Variants in LRRC7 observed in about 807,000 individuals in gnomAD.
The protein encoded by LRRC7 is leucine rich repeat containing 7, also known as leucine-rich repeat-containing protein 7.
Under a neutral mutation model 175.7 loss-of-function variants are expected in LRRC7, and 23 were observed. The ratio of observed to expected loss-of-function variants is 0.13; its 90% CI spans 0.09 to 0.19. The LOEUF is 0.19. Among genes scored for constraint, LRRC7 ranks in the 10% least tolerant of loss-of-function variants. The pLI is 1.00. For synonymous variants in LRRC7, 685 were observed against 680.9 expected (o/e 1.01, Z -0.09); for missense variants, 1,354 against 1,904.7 (o/e 0.71, Z 5.38).
chr1:69,591,542 G>C (rs181911115), intron 1 of LRRC7, among the ~76,000 whole-genome samples: 2 of 151,934 alleles, frequency 1.3e-5, no homozygotes, highest in Admixed American at 6.6e-5. Context: ...GATAGCTTCC[G>C]TGATGGATTT....
At chr1:69,589,281 G>A (rs1032045920) in intron 1 of LRRC7, among the ~76,000 whole-genome samples, 1 of 152,014 alleles carries the variant, frequency 6.6e-6, no homozygotes, top group Non-Finnish European at 1.5e-5. Context: ...TGACCTCACT[G>A]AAACTGTCCT....
intron 1 of LRRC7, among the ~76,000 whole-genome samples, chr1:69,570,726 TTTAC>T (rs1645708191): frequency 6.6e-6 from 1 of 152,178 alleles, no homozygotes; most frequent in African/African-American, 2.4e-5. Context: ...CAATGAAGTC[TTTAC>T]TTTTTAGAAA....
chr1:69,603,711 T>G (rs1034947969), intron 1 of LRRC7, among the ~76,000 whole-genome samples: 8 of 152,164 alleles, frequency 5.3e-5, no homozygotes, highest in Admixed American at 2.6e-4. Flanking sequence ...GGCTAGATAT[T>G]TTGTACACAG....
At chr1:70,097,093 C>T (rs1451478077) in intron 25 of LRRC7, among the ~76,000 whole-genome samples, 1 of 152,168 alleles carries the variant, frequency 6.6e-6, no homozygotes. Flanking sequence ...AATATCAGCA[C>T]TGTAAATTTT....
chr1:69,919,692 C>T (rs2101731145), intron 7 of LRRC7: 3 of 970,190 alleles, frequency 3.1e-6, no homozygotes, highest in East Asian at 4.8e-5. Flanking sequence ...GACTGCAGCT[C>T]GGCCAAGGCC....
At chr1:69,666,297 A>T (rs556664397) in intron 1 of LRRC7, among the ~76,000 whole-genome samples, 3 of 152,014 alleles carry the variant, frequency 2.0e-5, no homozygotes, top group African/African-American at 4.8e-5. Flanking sequence ...CTATTGATGT[A>T]TCTTTGGGTT....
chr1:69,896,360 A>T (rs1187552681), intron 7 of LRRC7, among the ~76,000 whole-genome samples: 1 of 152,124 alleles, frequency 6.6e-6, no homozygotes, highest in East Asian at 1.9e-4. Flanking sequence ...TATAAATTAT[A>T]CTCATCCTCC....
At chr1:69,840,296 G>A (rs952805186) in intron 7 of LRRC7, among the ~76,000 whole-genome samples, 3 of 151,888 alleles carry the variant, frequency 2.0e-5, no homozygotes, top group African/African-American at 7.2e-5. Context: ...TATACCTTTT[G>A]ATCACCAGTC....
intron 1 of LRRC7, among the ~76,000 whole-genome samples, chr1:69,663,241 G>A (rs991216952): frequency 1.3e-4 from 20 of 151,544 alleles, no homozygotes; most frequent in African/African-American, 4.8e-4. Flanking sequence ...CAACAGTCAT[G>A]CCAAGTAGAG....
chr1:70,119,389 C>T (rs915812329), intron 26 of LRRC7, among the ~76,000 whole-genome samples: 3 of 152,028 alleles, frequency 2.0e-5, no homozygotes, highest in African/African-American at 7.2e-5. Flanking sequence ...TTTTTAGTTA[C>T]GTGCATGACT....
rs534696792 is a variant in LRRC7, at chr1:69,577,979, C to G, written c.2+9338C>G. On this transcript the variant is annotated intron_variant, in intron 1 of 26. Coordinates refer to ENST00000651989, the MANE Select transcript of LRRC7 (RefSeq NM_001370785.2). ...TATAAATTACCTTGGGCATTATGGC[C>G]ATTTTCATGATATTGATTCTTCCTA... is the stretch of plus-strand genomic sequence containing the variant. Among the ~76,000 whole-genome samples the G allele has an allele frequency of 2.1e-4, 32 of 152,146 alleles. 1 individual carries two copies. In the South Asian group the frequency reaches 6.4e-3, roughly 31 times the overall value.
chr1:70,090,995 C>T (rs1438048922), intron 25 of LRRC7, among the ~76,000 whole-genome samples: 6 of 152,090 alleles, frequency 3.9e-5, no homozygotes, highest in African/African-American at 4.8e-5. Context: ...AAGAATTGGT[C>T]GCATGATTAT....
At chr1:69,610,366 G>A (rs933228423) in intron 1 of LRRC7, among the ~76,000 whole-genome samples, 2 of 151,946 alleles carry the variant, frequency 1.3e-5, no homozygotes, top group Non-Finnish European at 2.9e-5. Flanking sequence ...ACCATGTCAG[G>A]AAGTATCATA....
intron 21 of LRRC7, among the ~76,000 whole-genome samples, chr1:70,043,048 G>T (rs944925645): frequency 1.3e-5 from 2 of 151,826 alleles, no homozygotes; most frequent in Admixed American, 6.6e-5. Context: ...TGCTGTCAAT[G>T]ATTACATTTC....
intron 7 of LRRC7, among the ~76,000 whole-genome samples, chr1:69,908,288 T>C (rs1646394556): frequency 6.6e-6 from 1 of 152,240 alleles, no homozygotes; most frequent in South Asian, 2.1e-4. Context: ...CTTTAGTTAT[T>C]TCTTGCCTTC....
intron 2 of LRRC7, among the ~76,000 whole-genome samples, chr1:69,701,742 A>T (rs1663382198): frequency 6.6e-6 from 1 of 152,214 alleles, no homozygotes; most frequent in South Asian, 2.1e-4. Flanking sequence ...GCCTCTTTGG[A>T]AGATTCTCTG....
At chr1:70,087,178 T>G (rs1303309315) in intron 24 of LRRC7, among the ~76,000 whole-genome samples, 3 of 152,210 alleles carry the variant, frequency 2.0e-5, no homozygotes, top group African/African-American at 7.2e-5. Flanking sequence ...TCTTAGATTT[T>G]TAGTGCCTTC....
At chr1:69,653,691 A>G (rs1024342811) in intron 1 of LRRC7, among the ~76,000 whole-genome samples, 1 of 152,060 alleles carries the variant, frequency 6.6e-6, no homozygotes, top group Non-Finnish European at 1.5e-5. Context: ...TCTCAAAAAT[A>G]TATTTATGCC....
At chr1:70,052,485 A>T (rs1185966416) in intron 22 of LRRC7, among the ~76,000 whole-genome samples, 1 of 152,012 alleles carries the variant, frequency 6.6e-6, no homozygotes, top group Non-Finnish European at 1.5e-5. Context: ...CCCCAAAGCT[A>T]TTTGTTGATA....
Sources: gnomAD v4.1 joint callset for allele counts (sites outside exome capture counted in the v4.1 genomes callset) on GRCh38, gnomAD v4.1.1 for gene constraint, MANE v1.5 for transcripts, NCBI Gene and HGNC (gene_info 2026-07-23, HGNC 2026-07-21) for gene names.